The following CTSC variants were observed in gnomAD, a reference collection of about 807,000 sequenced individuals.
CTSC encodes dipeptidyl peptidase 1.
In CTSC, 37 loss-of-function variants were observed where a neutral mutation model predicts 40.9. That is an observed-to-expected ratio of 0.91 (90% CI 0.70 to 1.19). The LOEUF is 1.19. CTSC is among the 50% of genes most tolerant of loss of function. The probability of loss-of-function intolerance (pLI) is 0.00; values close to 1 mark genes in which losing one functional copy is unlikely to be tolerated. For missense variants in CTSC, 594 were observed against 567.3 expected, an observed-to-expected ratio of 1.05 and a Z score of -0.48; for synonymous variants, 232 against 207.4, an observed-to-expected ratio of 1.12 and a Z score of -1.02.
chr11:88,324,840 G>C, intron 2 of CTSC: 4 of 985,400 alleles, frequency 4.1e-6, no homozygotes, highest in Non-Finnish European at 4.8e-6. Flanking sequence ...AGGTGAGATA[G>C]ATAAAAGTTT....
chr11:88,309,239 T>C lies in CTSC; in HGVS notation c.565A>G (p.Thr189Ala), dbSNP rs200779585. 179 of 1,613,690 alleles carry C rather than the reference T, an allele frequency of 1.1e-4. No individual in the cohort carries two copies. The East Asian group carries it at 3.3e-3, about 30-fold the overall frequency. The change falls in exon 4 of 7, where the codon ACA becomes GCA. Residue 189 changes from threonine (T) to alanine (A), a missense_variant. Coordinates refer to ENST00000227266, the MANE Select transcript of CTSC (RefSeq NM_001814.6). ...GTAAGAGTCTCATATTCCATGTATGTAGTTGCAGTCCAAGACTTCTGAATG... is the reference window on the plus strand; with the variant it reads ...GTAAGAGTCTCATATTCCATGTATGCAGTTGCAGTCCAAGACTTCTGAATG... The part of the protein sequence containing the change: ...NAIQKSWTAT[T>A]YMEYETLTLG...
At chr11:88,332,585 G>A (rs1309652436) in intron 2 of CTSC, among the ~76,000 whole-genome samples, 1 of 152,132 alleles carries the variant, frequency 6.6e-6, no homozygotes, top group Non-Finnish European at 1.5e-5. Context: ...CACTTTGCAA[G>A]CTATGTTTAT....
intron 2 of CTSC, among the ~76,000 whole-genome samples, chr11:88,316,271 G>A (rs1244529575): frequency 1.3e-5 from 2 of 152,154 alleles, no homozygotes; most frequent in Non-Finnish European, 2.9e-5. Context: ...GTGATCCTGA[G>A]CAAGTCACGT....
chr11:88,310,200 AC>A (rs1389919845), intron 3 of CTSC, among the ~76,000 whole-genome samples: 22 of 149,924 alleles, frequency 1.5e-4, no homozygotes, highest in African/African-American at 5.4e-4. Context: ...TTTTTTTTAA[AC>A]AAGATCCCCA....
chr11:88,301,071 T>C (rs1944355410), intron 4 of CTSC, among the ~76,000 whole-genome samples: 1 of 152,048 alleles, frequency 6.6e-6, no homozygotes, highest in Non-Finnish European at 1.5e-5. Context: ...GTGAGGTGGC[T>C]GTAAAAGAAG....
chr11:88,300,924 T>G lies in CTSC; in HGVS notation c.642-279A>C, dbSNP rs77499989. Among the ~76,000 whole-genome samples the G allele has an allele frequency of 8.1e-3, 1,229 of 152,258 alleles. 13 individuals carry two copies. Among genetic ancestry groups the G allele is most frequent in the African/African-American group, 0.027 (1,101 of 41,524 alleles). Reference sequence around the variant, plus strand: ...TATCACTGTGATGTTATTTTTAGTTTGCCTGAATAGCTGCATTCTTACTCA... The same window carrying G: ...TATCACTGTGATGTTATTTTTAGTTGGCCTGAATAGCTGCATTCTTACTCA... On this transcript the variant is annotated intron_variant, in intron 4 of 6. Coordinates refer to ENST00000227266, the MANE Select transcript of CTSC (RefSeq NM_001814.6).
In CTSC at chr11:88,293,991, A is replaced by G. The variant is rs1439079524; in HGVS notation, c.*15T>C. On this transcript the variant is annotated 3_prime_UTR_variant, in exon 7 of 7. Coordinates refer to ENST00000227266, the MANE Select transcript of CTSC (RefSeq NM_001814.6). The stretch of plus-strand genomic sequence containing the variant: ...CAACTGATGCAGATCATTATGAAAT[A>G]CTGGAAGGCATACCCTACAATTTAG... The G allele has an allele frequency of 6.2e-7, 1 of 1,613,538 alleles. No individual in the cohort carries two copies. The highest frequency in any genetic ancestry group is 8.5e-7 in the Non-Finnish European group (1 of 1,179,862).
chr11:88,318,077 G>C (rs1393186849), intron 2 of CTSC, among the ~76,000 whole-genome samples: 1 of 152,060 alleles, frequency 6.6e-6, no homozygotes, highest in Admixed American at 6.5e-5. Flanking sequence ...ATTTATCTTG[G>C]ATCTTTTACT....
chr11:88,311,696 G>A (rs1937761317), intron 3 of CTSC, among the ~76,000 whole-genome samples: 1 of 152,172 alleles, frequency 6.6e-6, no homozygotes, highest in Non-Finnish European at 1.5e-5. Context: ...GCTTTAAAGA[G>A]GTCATTAAGG....
rs527384098 is a variant in CTSC, at chr11:88,294,395, C to G, written c.1003G>C (p.Glu335Gln). 8 of 1,614,156 alleles carry G rather than the reference C, an allele frequency of 5.0e-6. No homozygotes were observed. The South Asian group carries it at 7.7e-5, about 16-fold the overall frequency. Residue 335 changes from glutamate to glutamine, a missense_variant, in exon 7 of 7, where the codon GAA becomes CAA. Transcript: ENST00000227266. ...GAGGAGTAATAACGAAAGCAGTCTT[C>G]CTTCATTTTGCATGGAGAATCAGTG... ...TGTDSPCKMK[E>Q]DCFRYYSSEY...
At chr11:88,318,601 A>G (rs891705479) in intron 2 of CTSC, among the ~76,000 whole-genome samples, 1 of 152,138 alleles carries the variant, frequency 6.6e-6, no homozygotes, top group Non-Finnish European at 1.5e-5. Context: ...TCCCATATAT[A>G]TTTCTAACAT....
chr11:88,328,429 AGTC>A (rs1938252126), intron 2 of CTSC, among the ~76,000 whole-genome samples: 1 of 152,222 alleles, frequency 6.6e-6, no homozygotes, highest in South Asian at 2.1e-4. Flanking sequence ...TATCTCAATA[AGTC>A]TTCTAAAATT....
chr11:88,300,529 C>A lies in CTSC; in HGVS notation c.757+1G>T, dbSNP rs767396820. ...CAAAAAACTTAGGCTTATTTTTTTA[C>A]CTTGGTTTCGAACAGGACTGACAAA... is the stretch of plus-strand genomic sequence containing the variant. On this transcript the variant is annotated splice_donor_variant, in intron 5 of 6. Coordinates refer to ENST00000227266, the MANE Select transcript of CTSC (RefSeq NM_001814.6). LOFTEE classifies it high-confidence loss of function. The A allele has an allele frequency of 1.3e-6, 2 of 1,579,146 alleles. No homozygotes were observed. The highest frequency in any genetic ancestry group is 1.1e-5 in the South Asian group (1 of 90,392).
chr11:88,311,145 G>A (rs1052623668), intron 3 of CTSC, among the ~76,000 whole-genome samples: 1 of 152,196 alleles, frequency 6.6e-6, no homozygotes, highest in Non-Finnish European at 1.5e-5. Flanking sequence ...TGAGCACTCC[G>A]GTTGGGAGCT....
At chr11:88,309,465 C>T (rs1355657732) in intron 3 of CTSC, 147 bp from the exon 4 acceptor site, 3 of 726,712 alleles carry the variant, frequency 4.1e-6, no homozygotes, top group Non-Finnish European at 7.3e-6. Context: ...TAGCCTAGAA[C>T]AGCCTGGCAT....
intron 3 of CTSC, 41 bp downstream of exon 3, chr11:88,312,347 T>C: frequency 1.2e-6 from 2 of 1,602,038 alleles, no homozygotes; most frequent in East Asian, 2.2e-5. Flanking sequence ...ATATATACTA[T>C]AAAACAAAAC....
intron 3 of CTSC, among the ~76,000 whole-genome samples, chr11:88,312,042 C>T (rs890836525): frequency 6.6e-6 from 1 of 152,166 alleles, no homozygotes; most frequent in Non-Finnish European, 1.5e-5. Context: ...TTAGTATCAC[C>T]TATACTTGTT....
intron 4 of CTSC, among the ~76,000 whole-genome samples, chr11:88,306,940 C>A (rs896742914): frequency 2.0e-5 from 3 of 152,182 alleles, no homozygotes; most frequent in Admixed American, 6.5e-5. Context: ...AAAAGCACCC[C>A]CCATGGCCTC....
intron 2 of CTSC, chr11:88,325,019 AAG>A (rs1199497888): frequency 1.0e-6 from 1 of 985,196 alleles, no homozygotes; most frequent in East Asian, 1.1e-4. Context: ...GCAGAAATGC[AAG>A]AGAGGAAAGT....
Sources: allele counts gnomAD v4.1 joint callset (sites outside exome capture counted in the v4.1 genomes callset), GRCh38; gene constraint gnomAD v4.1.1; transcripts MANE v1.5; gene names NCBI Gene and HGNC (gene_info 2026-07-23, HGNC 2026-07-21).